PLEKHB2: variants seen among roughly 807,000 people sequenced by gnomAD.
The protein encoded by PLEKHB2 is pleckstrin homology domain containing B2.
In PLEKHB2, 31 loss-of-function variants were observed where a neutral mutation model predicts 36.5. The ratio of observed to expected loss-of-function variants is 0.85; its 90% CI spans 0.64 to 1.15. PLEKHB2 has a LOEUF of 1.15. PLEKHB2 is among the 50% of genes most tolerant of loss of function. The pLI, the probability that PLEKHB2 is intolerant of heterozygous loss-of-function variation, is 0.00. For synonymous variants in PLEKHB2, 119 were observed against 112.0 expected (o/e 1.06, Z -0.39); for missense variants, 262 against 295.3 (o/e 0.89, Z 0.83).
chr2:131,114,043 CTGTT>C (rs1326877918), intron 1 of PLEKHB2, among the ~76,000 whole-genome samples: 2 of 152,092 alleles, frequency 1.3e-5, no homozygotes, highest in Admixed American at 6.6e-5. Context: ...TGACACTTGT[CTGTT>C]TGTCTTAGAA....
chr2:131,121,041 C>T (rs1394541567), intron 2 of PLEKHB2, 63 bp downstream of exon 2: 2 of 1,518,254 alleles, frequency 1.3e-6, no homozygotes, highest in Non-Finnish European at 1.8e-6. Flanking sequence ...TTTCTGTTTG[C>T]TTAAAGTTGA....
chr2:131,126,004 A>G, intron 3 of PLEKHB2, 99 bp downstream of exon 3: 1 of 1,197,210 alleles, frequency 8.4e-7, no homozygotes, highest in Non-Finnish European at 1.2e-6. Context: ...TCATTAACAG[A>G]TTGAAGAAGG....
At chr2:131,130,657 C>T in intron 4 of PLEKHB2, 64 bp from the exon 5 acceptor site, 1 of 1,200,226 alleles carries the variant, frequency 8.3e-7, no homozygotes, top group Non-Finnish European at 1.2e-6. Flanking sequence ...GATGCCAGCC[C>T]AGGTTTCAGA....
At chr2:131,113,372 C>T (rs764394586) in intron 1 of PLEKHB2, among the ~76,000 whole-genome samples, 1 of 152,202 alleles carries the variant, frequency 6.6e-6, no homozygotes, top group African/African-American at 2.4e-5. Flanking sequence ...TGTGCATGGG[C>T]CTGCTGCATA....
intron 7 of PLEKHB2, chr2:131,144,560 C>T (rs1265178250): frequency 1.2e-5 from 5 of 424,936 alleles, no homozygotes; most frequent in Non-Finnish European, 2.0e-5. Flanking sequence ...AAGTAACCTT[C>T]CTTTATTTAG....
At chr2:131,114,954 G>A (rs1487209372) in intron 1 of PLEKHB2, among the ~76,000 whole-genome samples, 1 of 152,014 alleles carries the variant, frequency 6.6e-6, no homozygotes, top group Non-Finnish European at 1.5e-5. Context: ...GTAGCATTCC[G>A]CTGTACTGGT....
chr2:131,113,769 C>T (rs111559310), intron 1 of PLEKHB2, among the ~76,000 whole-genome samples: 3,480 of 152,198 alleles, frequency 0.023, 138 homozygotes, highest in African/African-American at 0.079. Flanking sequence ...GTGTGGCCTG[C>T]GACTTTAAGC....
chr2:131,122,034 G>A, intron 2 of PLEKHB2, among the ~76,000 whole-genome samples: 1 of 152,106 alleles, frequency 6.6e-6, no homozygotes, highest in East Asian at 1.9e-4. Context: ...GAGTAGCTGG[G>A]ATTACAGGCG....
At chr2:131,139,494 A>C (rs999828104) in intron 6 of PLEKHB2, among the ~76,000 whole-genome samples, 3 of 152,228 alleles carry the variant, frequency 2.0e-5, no homozygotes, top group African/African-American at 4.8e-5. Flanking sequence ...TTGTCACAGA[A>C]CGACATTAGT....
At chr2:131,122,094 C>T (rs1573559758) in intron 2 of PLEKHB2, among the ~76,000 whole-genome samples, 1 of 152,042 alleles carries the variant, frequency 6.6e-6, no homozygotes, top group African/African-American at 2.4e-5. Context: ...GACGGAGTTT[C>T]TCCATGTTGA....
intron 1 of PLEKHB2, among the ~76,000 whole-genome samples, chr2:131,109,393 T>G (rs1331970516): frequency 1.3e-5 from 2 of 152,130 alleles, no homozygotes; most frequent in African/African-American, 2.4e-5. Flanking sequence ...GTACATAGAT[T>G]GAAAGACCAA....
At chr2:131,119,221 A>C (rs1262402117) in intron 1 of PLEKHB2, among the ~76,000 whole-genome samples, 17 of 152,020 alleles carry the variant, frequency 1.1e-4, no homozygotes, top group Non-Finnish European at 1.9e-4. Context: ...GCGCCACTGC[A>C]CTCCAGCCTG....
intron 6 of PLEKHB2, among the ~76,000 whole-genome samples, chr2:131,136,948 CTTTT>C (rs749691633): frequency 3.0e-5 from 4 of 134,154 alleles, no homozygotes; most frequent in African/African-American, 9.1e-5. Flanking sequence ...TCTTTTCTTT[CTTTT>C]TTTTTTTTTT....
chr2:131,132,388 T>G (rs1259975358), intron 5 of PLEKHB2, among the ~76,000 whole-genome samples: 3 of 152,126 alleles, frequency 2.0e-5, no homozygotes, highest in Middle Eastern at 3.2e-3. Flanking sequence ...CTCACTGCAG[T>G]CTCGAGCTCC....
At chr2:131,116,216 T>C (rs1695858048) in intron 1 of PLEKHB2, among the ~76,000 whole-genome samples, 2 of 152,234 alleles carry the variant, frequency 1.3e-5, no homozygotes, top group Non-Finnish European at 2.9e-5. Flanking sequence ...CATTTCTTTT[T>C]TCTTTTTGAA....
chr2:131,138,335 A>T (rs938425549), intron 6 of PLEKHB2, among the ~76,000 whole-genome samples: 2 of 152,102 alleles, frequency 1.3e-5, no homozygotes, highest in Admixed American at 1.3e-4. Context: ...GCTTGTTGAA[A>T]GGTTTTTATG....
intron 7 of PLEKHB2, among the ~76,000 whole-genome samples, chr2:131,142,819 G>C (rs1393599933): frequency 5.9e-5 from 9 of 152,032 alleles, no homozygotes; most frequent in Non-Finnish European, 8.8e-5. Context: ...ACCTCCCAAA[G>C]TGCTGGGATT....
chr2:131,135,906 C>T (rs984046170), intron 6 of PLEKHB2, among the ~76,000 whole-genome samples: 2 of 152,106 alleles, frequency 1.3e-5, no homozygotes, highest in African/African-American at 4.8e-5. Flanking sequence ...CCGCGCCCGG[C>T]CAGTGTATTC....
At chr2:131,137,982 T>A (rs1431431907) in intron 6 of PLEKHB2, among the ~76,000 whole-genome samples, 1 of 151,562 alleles carries the variant, frequency 6.6e-6, no homozygotes, top group Admixed American at 6.6e-5. Context: ...TCTGATAACA[T>A]CCCTGTTAGT....
Sources: allele counts gnomAD v4.1 joint callset (sites outside exome capture counted in the v4.1 genomes callset), GRCh38; gene constraint gnomAD v4.1.1; transcripts MANE v1.5; gene names NCBI Gene and HGNC (gene_info 2026-07-23, HGNC 2026-07-21).